SLC2A9: variants seen among roughly 807,000 people sequenced by gnomAD.
The protein encoded by SLC2A9 is solute carrier family 2 member 9.
In SLC2A9, 39 loss-of-function variants were observed where a neutral mutation model predicts 50.6. The observed-to-expected ratio is 0.77, with a 90% CI of 0.60 to 1.01. The LOEUF is 1.01. Ranked by LOEUF, SLC2A9 falls within the 50% of genes least tolerant of loss-of-function variation. The probability of loss-of-function intolerance (pLI) is 0.00; values close to 1 mark genes in which losing one functional copy is unlikely to be tolerated. For synonymous variants in SLC2A9, 324 were observed against 276.9 expected (o/e 1.17, Z -1.69); for missense variants, 686 against 677.6 (o/e 1.01, Z -0.14).
chr4:10,015,885 A>G (rs1475344659), intron 2 of SLC2A9, among the ~76,000 whole-genome samples: 2 of 152,182 alleles, frequency 1.3e-5, no homozygotes, highest in Non-Finnish European at 2.9e-5. Context: ...CATGCAGTAC[A>G]TTTTGGCAGA....
intron 1 of SLC2A9, among the ~76,000 whole-genome samples, chr4:10,026,971 G>A (rs1763774616): frequency 6.6e-6 from 1 of 152,088 alleles, no homozygotes; most frequent in South Asian, 2.1e-4. Context: ...TTGAACCCAG[G>A]AGGCAGAGGT....
intron 3 of SLC2A9, among the ~76,000 whole-genome samples, chr4:9,816,444 A>C (rs1187669465): frequency 6.6e-6 from 1 of 152,202 alleles, no homozygotes. Flanking sequence ...AGCATGAATA[A>C]GTTCTGGAGA....
chr4:9,817,674 G>A (rs1316478475), intron 3 of SLC2A9, among the ~76,000 whole-genome samples: 1 of 152,148 alleles, frequency 6.6e-6, no homozygotes, highest in Non-Finnish European at 1.5e-5. Flanking sequence ...CTAAATGAAT[G>A]GGACTTCATT....
intron 3 of SLC2A9, among the ~76,000 whole-genome samples, chr4:9,793,477 A>G (rs1720217099): frequency 6.6e-6 from 1 of 152,220 alleles, no homozygotes. Context: ...TTCTTTCCAC[A>G]TAAAAGAAGT....
intron 6 of SLC2A9, among the ~76,000 whole-genome samples, chr4:9,928,083 C>T (rs1487711278): frequency 6.6e-6 from 1 of 152,054 alleles, no homozygotes; most frequent in African/African-American, 2.4e-5. Flanking sequence ...TCGAGGCCAG[C>T]CTCAGCAACA....
chr4:9,851,425 T>A (rs1729895972), intron 10 of SLC2A9, among the ~76,000 whole-genome samples: 1 of 152,114 alleles, frequency 6.6e-6, no homozygotes, highest in African/African-American at 2.4e-5. Context: ...AAACCCTATC[T>A]AAAGGTCAGT....
chr4:10,009,347 TTCTC>T (rs748949707), intron 2 of SLC2A9: 1 of 152,200 alleles, frequency 6.6e-6, no homozygotes, highest in Non-Finnish European at 1.5e-5. Context: ...TGCTTTTGGG[TTCTC>T]TCTCTGTTGG....
chr4:10,025,167 A>C (rs1187414901), upstream of SLC2A9, among the ~76,000 whole-genome samples: 2 of 152,204 alleles, frequency 1.3e-5, no homozygotes, highest in Non-Finnish European at 2.9e-5. Context: ...ATAAATACAA[A>C]TAAATTTTCC....
At chr4:9,941,459 G>A (rs1261238941) in intron 6 of SLC2A9, among the ~76,000 whole-genome samples, 2 of 152,184 alleles carry the variant, frequency 1.3e-5, no homozygotes, top group African/African-American at 2.4e-5. Context: ...GGTGGGATCT[G>A]GTGTTCACTC....
intron 5 of SLC2A9, among the ~76,000 whole-genome samples, chr4:9,950,744 T>TCCAGCAATCTCACCTCTGGGTAC: frequency 6.5e-5 from 2 of 30,776 alleles, no homozygotes; most frequent in Non-Finnish European, 1.1e-4. Context: ...ATACAAAAAA[T>TCCAGCAATCTCACCTCTGGGTAC]TAGCCGGGCG....
At chr4:9,836,339 A>C (rs1221062560) in intron 10 of SLC2A9, among the ~76,000 whole-genome samples, 1 of 152,200 alleles carries the variant, frequency 6.6e-6, no homozygotes, top group Non-Finnish European at 1.5e-5. Context: ...TGAGCAAATG[A>C]ATAAATACAT....
At chr4:9,914,852 C>A (rs188216363) in intron 7 of SLC2A9, among the ~76,000 whole-genome samples, 53 of 152,284 alleles carry the variant, frequency 3.5e-4, no homozygotes, top group African/African-American at 1.3e-3. Context: ...TCTCTGACCT[C>A]CACTGTCTTT....
chr4:9,912,521 G>C (rs1014942937), intron 7 of SLC2A9, among the ~76,000 whole-genome samples: 3 of 152,136 alleles, frequency 2.0e-5, no homozygotes, highest in African/African-American at 4.8e-5. Context: ...GTGTTTTAGA[G>C]ACAAAGTGTA....
At chr4:9,782,857 A>G in intron 3 of SLC2A9, 4 of 1,612,108 alleles carry the variant, frequency 2.5e-6, no homozygotes, top group Non-Finnish European at 3.4e-6. Flanking sequence ...GGAGCAGCGC[A>G]GCCTGCGCGC....
rs61538689 is a variant in SLC2A9, at chr4:9,931,962, CTATATATATATA to C, written c.814+9939_814+9950del. The stretch of plus-strand genomic sequence containing the variant: ...TCTCTCTCTCTCTCTCTCTCTCTCT[CTATATATATATA>C]TATATATATATATATATATATATAT... On this transcript the variant is annotated intron_variant, in intron 6 of 11. Coordinates refer to ENST00000264784, the MANE Select transcript of SLC2A9 (RefSeq NM_020041.3). 6.2e-3 allele frequency among the ~76,000 whole-genome samples: 91 copies of C among 14,568 alleles called. 1 individual carries two copies. Among genetic ancestry groups the C allele is most frequent in the East Asian group, 0.022 (13 of 596 alleles). 9.6% of individuals were successfully genotyped at this position (14,568 alleles called of 152,430 possible).
downstream of SLC2A9, among the ~76,000 whole-genome samples, chr4:9,794,156 T>G (rs570609481): frequency 6.6e-5 from 10 of 151,876 alleles, no homozygotes; most frequent in East Asian, 5.8e-4. Context: ...TTCCTTTTTT[T>G]TGTGTGTGTG....
At chr4:9,788,719 G>C (rs1432475741) in intron 3 of SLC2A9, among the ~76,000 whole-genome samples, 1 of 152,156 alleles carries the variant, frequency 6.6e-6, no homozygotes, top group Non-Finnish European at 1.5e-5. Context: ...TACTTATCAT[G>C]ATATTTAGGT....
intron 2 of SLC2A9, among the ~76,000 whole-genome samples, chr4:10,003,716 T>C (rs191580578): frequency 6.8e-4 from 103 of 152,322 alleles, no homozygotes; most frequent in Non-Finnish European, 1.3e-3. Context: ...AGCTTGAGAT[T>C]TGTGAACCTC....
At chr4:9,973,820 C>A (rs1242870822) in intron 5 of SLC2A9, among the ~76,000 whole-genome samples, 2 of 150,940 alleles carry the variant, frequency 1.3e-5, no homozygotes, top group East Asian at 3.9e-4. Context: ...ATGTAACTAA[C>A]CTGCACGTTG....
Sources: allele counts gnomAD v4.1 joint callset (sites outside exome capture counted in the v4.1 genomes callset), GRCh38; gene constraint gnomAD v4.1.1; transcripts MANE v1.5; gene names NCBI Gene and HGNC (gene_info 2026-07-23, HGNC 2026-07-21).